The following ZNF407 variants were observed in gnomAD, a reference collection of about 807,000 sequenced individuals.
ZNF407 encodes zinc finger protein 407.
ZNF407 carries 17 observed loss-of-function variants against 131.2 expected under a neutral mutation model. The ratio of observed to expected loss-of-function variants is 0.13; its 90% CI spans 0.09 to 0.19. ZNF407 has a LOEUF of 0.19. Among genes scored for constraint, ZNF407 ranks in the 10% least tolerant of loss-of-function variants. The probability of loss-of-function intolerance (pLI) is 1.00; values close to 1 mark genes in which losing one functional copy is unlikely to be tolerated. For missense variants in ZNF407, 2,681 were observed against 2,830.6 expected, an observed-to-expected ratio of 0.95 and a Z score of 1.20; for synonymous variants, 1,156 against 1,062.0, an observed-to-expected ratio of 1.09 and a Z score of -1.72.
At chr18:74,814,290 C>T (rs1296084077) in intron 4 of ZNF407, among the ~76,000 whole-genome samples, 1 of 152,130 alleles carries the variant, frequency 6.6e-6, no homozygotes, top group East Asian at 1.9e-4. Flanking sequence ...TGCACCACCA[C>T]ACCCAGCTAA....
chr18:74,642,483 G>A (rs529738098), intron 3 of ZNF407, among the ~76,000 whole-genome samples: 57 of 152,246 alleles, frequency 3.7e-4, no homozygotes, highest in African/African-American at 1.3e-3. Flanking sequence ...TTTCTGAGAA[G>A]TAAGTAAACA....
At chr18:74,852,915 C>T (rs1970809472) in intron 4 of ZNF407, among the ~76,000 whole-genome samples, 1 of 152,068 alleles carries the variant, frequency 6.6e-6, no homozygotes, top group Non-Finnish European at 1.5e-5. Context: ...ATTATGTATA[C>T]AATTTCTGTT....
chr18:74,956,137 C>A (rs1187935249), intron 8 of ZNF407, among the ~76,000 whole-genome samples: 1 of 152,138 alleles, frequency 6.6e-6, no homozygotes, highest in Admixed American at 6.5e-5. Flanking sequence ...AAAAATGAAT[C>A]CCCAGCCTCC....
intron 6 of ZNF407, among the ~76,000 whole-genome samples, chr18:74,889,538 A>G (rs1035762552): frequency 6.6e-5 from 10 of 152,142 alleles, no homozygotes; most frequent in Non-Finnish European, 1.3e-4. Flanking sequence ...TTCACAGTAT[A>G]TCTCTGTTAT....
chr18:74,862,102 C>T (rs764627487), intron 4 of ZNF407, among the ~76,000 whole-genome samples: 139 of 152,326 alleles, frequency 9.1e-4, no homozygotes, highest in Non-Finnish European at 1.8e-3. Context: ...TAAAAGTTCT[C>T]TAAAATTGTT....
chr18:74,616,646 C>T lies in ZNF407; in HGVS notation c.-53-14321C>T, dbSNP rs903641291. Among the ~76,000 whole-genome samples the T allele has an allele frequency of 3.3e-3, 501 of 152,028 alleles. 4 individuals are homozygous for T. Among genetic ancestry groups the T allele is most frequent in the Admixed American group, 5.5e-3 (84 of 15,266 alleles). ...AAAACTAGAAAATGTTTCTAGGACACCTGTATAACCTTCATCCTGAGTCAT... is the reference window on the plus strand; with the variant it reads ...AAAACTAGAAAATGTTTCTAGGACATCTGTATAACCTTCATCCTGAGTCAT... On this transcript the variant is annotated intron_variant, in intron 1 of 8. Transcript: ENST00000299687.
intron 7 of ZNF407, among the ~76,000 whole-genome samples, chr18:74,920,271 G>A (rs1971829449): frequency 6.6e-6 from 1 of 152,082 alleles, no homozygotes; most frequent in Non-Finnish European, 1.5e-5. Context: ...ATAGTGCTTG[G>A]GATTTGGTAT....
intron 8 of ZNF407, among the ~76,000 whole-genome samples, chr18:75,037,514 C>T (rs1010656604): frequency 9.2e-5 from 14 of 151,762 alleles, no homozygotes; most frequent in African/African-American, 2.9e-4. Flanking sequence ...GTCTCGATGG[C>T]GCCAAAAGCT....
intron 8 of ZNF407, among the ~76,000 whole-genome samples, chr18:75,014,359 G>C (rs1235624618): frequency 1.3e-5 from 2 of 151,800 alleles, no homozygotes; most frequent in Non-Finnish European, 2.9e-5. Flanking sequence ...CCTTTTCTCA[G>C]TTTCTGGCTG....
chr18:75,052,039 T>G (rs1198462899), intron 8 of ZNF407, among the ~76,000 whole-genome samples: 1 of 152,136 alleles, frequency 6.6e-6, no homozygotes, highest in Non-Finnish European at 1.5e-5. Flanking sequence ...GGGGAAGACC[T>G]TTGGATAAGG....
At chr18:74,618,914 A>T (rs1983416920) in intron 1 of ZNF407, among the ~76,000 whole-genome samples, 1 of 152,186 alleles carries the variant, frequency 6.6e-6, no homozygotes, top group Non-Finnish European at 1.5e-5. Flanking sequence ...GAGGCTTGAT[A>T]GTTTTATATC....
chr18:74,612,747 G>A (rs1983119053), intron 1 of ZNF407, among the ~76,000 whole-genome samples: 1 of 152,228 alleles, frequency 6.6e-6, no homozygotes, highest in East Asian at 1.9e-4. Flanking sequence ...TTATTAATAA[G>A]TGTTATCCTT....
intron 7 of ZNF407, among the ~76,000 whole-genome samples, chr18:74,893,118 A>G (rs1971408058): frequency 6.6e-6 from 1 of 152,146 alleles, no homozygotes; most frequent in Non-Finnish European, 1.5e-5. Flanking sequence ...AAATAGCCTC[A>G]CTTCTGTTTA....
intron 1 of ZNF407, among the ~76,000 whole-genome samples, chr18:74,608,890 G>A (rs564003178): frequency 1.8e-4 from 28 of 152,106 alleles, no homozygotes; most frequent in Non-Finnish European, 2.6e-4. Flanking sequence ...TGATCTCTTG[G>A]TTGAGGTGAT....
intron 1 of ZNF407, among the ~76,000 whole-genome samples, chr18:74,622,401 G>T (rs887742491): frequency 6.6e-6 from 1 of 152,232 alleles, no homozygotes; most frequent in African/African-American, 2.4e-5. Flanking sequence ...CTTGCAGCTC[G>T]CAGGGGGCTT....
At chr18:74,871,635 T>C (rs1459135446) in intron 4 of ZNF407, among the ~76,000 whole-genome samples, 3 of 152,182 alleles carry the variant, frequency 2.0e-5, no homozygotes, top group Non-Finnish European at 2.9e-5. Flanking sequence ...GCTCACTCTT[T>C]TATTAAAATT....
chr18:75,060,749 TC>T (rs1172531020), intron 8 of ZNF407, among the ~76,000 whole-genome samples: 1 of 151,272 alleles, frequency 6.6e-6, no homozygotes, highest in Non-Finnish European at 1.5e-5. Flanking sequence ...TCGTGATCCG[TC>T]CGCCTCGGCC....
chr18:74,739,741 A>G (rs1010381300), intron 3 of ZNF407, among the ~76,000 whole-genome samples: 1 of 152,078 alleles, frequency 6.6e-6, no homozygotes, highest in Admixed American at 6.6e-5. Context: ...TTTTTGAGAT[A>G]AAAAAATGCT....
intron 3 of ZNF407, among the ~76,000 whole-genome samples, chr18:74,681,965 A>T (rs1250825025): frequency 6.6e-6 from 1 of 152,178 alleles, no homozygotes; most frequent in East Asian, 1.9e-4. Flanking sequence ...TTATGATAGA[A>T]CCGTGTATAA....
Sources: allele counts gnomAD v4.1 joint callset (sites outside exome capture counted in the v4.1 genomes callset), GRCh38; gene constraint gnomAD v4.1.1; transcripts MANE v1.5; gene names NCBI Gene and HGNC (gene_info 2026-07-23, HGNC 2026-07-21).